The following NALF1 variants were observed in gnomAD, a reference collection of about 807,000 sequenced individuals.
NALF1 encodes the protein NALCN channel auxiliary factor 1.
Under a neutral mutation model 48.4 loss-of-function variants are expected in NALF1, and 3 were observed. That is an observed-to-expected ratio of 0.06 (90% CI 0.03 to 0.16). The LOEUF is 0.16. NALF1 is among the 10% of genes least tolerant of loss of function. The probability of loss-of-function intolerance (pLI) is 1.00; values close to 1 mark genes in which losing one functional copy is unlikely to be tolerated. For missense variants in NALF1, 526 were observed against 571.5 expected (o/e 0.92, Z 0.81); for synonymous variants, 262 against 245.7 (o/e 1.07, Z -0.62).
chr13:107,469,975 C>G (rs1219691815), intron 1 of NALF1, among the ~76,000 whole-genome samples: 18 of 151,736 alleles, frequency 1.2e-4, no homozygotes, highest in Non-Finnish European at 1.5e-5. Flanking sequence ...GATCTCCTGA[C>G]CTCATGATCT....
At chr13:107,438,339 G>T (rs897165841) in intron 1 of NALF1, among the ~76,000 whole-genome samples, 2 of 152,156 alleles carry the variant, frequency 1.3e-5, no homozygotes, top group Non-Finnish European at 2.9e-5. Flanking sequence ...TATCTGATCT[G>T]CTTAAAGTTA....
chr13:107,481,993 T>C (rs1275258607), intron 1 of NALF1, among the ~76,000 whole-genome samples: 3 of 152,168 alleles, frequency 2.0e-5, no homozygotes, highest in Admixed American at 1.3e-4. Flanking sequence ...GTTAAGTTTA[T>C]GTGTCAACTT....
intron 1 of NALF1, among the ~76,000 whole-genome samples, chr13:107,705,989 A>C (rs1195810409): frequency 6.6e-6 from 1 of 152,214 alleles, no homozygotes; most frequent in African/African-American, 2.4e-5. Flanking sequence ...TTAGTGGTGC[A>C]GTGCTTTAAA....
intron 1 of NALF1, among the ~76,000 whole-genome samples, chr13:107,515,684 C>T (rs1272665535): frequency 6.6e-6 from 1 of 152,212 alleles, no homozygotes; most frequent in African/African-American, 2.4e-5. Context: ...TTACTCCATG[C>T]TCTCCTTGTC....
At chr13:107,862,766 A>C (rs2138651465) in intron 1 of NALF1, among the ~76,000 whole-genome samples, 1 of 152,074 alleles carries the variant, frequency 6.6e-6, no homozygotes, top group Non-Finnish European at 1.5e-5. Flanking sequence ...TTGGTCAAAA[A>C]GCCTTTTAAA....
chr13:107,568,398 A>T (rs1566396786), intron 1 of NALF1, among the ~76,000 whole-genome samples: 1 of 152,244 alleles, frequency 6.6e-6, no homozygotes, highest in African/African-American at 2.4e-5. Flanking sequence ...TCACAAATAC[A>T]GCTGCTATGA....
chr13:107,637,241 T>TTG (rs1246972523), intron 1 of NALF1, among the ~76,000 whole-genome samples: 52 of 134,626 alleles, frequency 3.9e-4, no homozygotes, highest in Admixed American at 3.3e-3. Flanking sequence ...ATTGTATTTG[T>TTG]TGTGTGTGTG....
chr13:107,254,033 T>C (rs1436070642), intron 1 of NALF1, among the ~76,000 whole-genome samples: 1 of 140,904 alleles, frequency 7.1e-6, no homozygotes. Context: ...TTCTCTTTTA[T>C]AACAGATGTT....
At chr13:107,751,047 T>A (rs1227950496) in intron 1 of NALF1, among the ~76,000 whole-genome samples, 1 of 152,206 alleles carries the variant, frequency 6.6e-6, no homozygotes, top group African/African-American at 2.4e-5. Context: ...AACTACAAAA[T>A]GGAATGCAAT....
chr13:107,756,952 A>G (rs1877118832), intron 1 of NALF1, among the ~76,000 whole-genome samples: 1 of 152,190 alleles, frequency 6.6e-6, no homozygotes, highest in South Asian at 2.1e-4. Context: ...AAAGGCTACA[A>G]ATTAACATGT....
chr13:107,361,491 A>G (rs1483360094), intron 1 of NALF1, among the ~76,000 whole-genome samples: 1 of 152,166 alleles, frequency 6.6e-6, no homozygotes, highest in Non-Finnish European at 1.5e-5. Flanking sequence ...GAAAAAAAAG[A>G]TGTTAGAAAG....
intron 1 of NALF1, among the ~76,000 whole-genome samples, chr13:107,260,507 G>A (rs938300836): frequency 6.6e-6 from 1 of 152,168 alleles, no homozygotes; most frequent in African/African-American, 2.4e-5. Flanking sequence ...GATTTTCAGA[G>A]CACTCATGAA....
chr13:107,617,583 G>A (rs1401886783), intron 1 of NALF1, among the ~76,000 whole-genome samples: 1 of 152,162 alleles, frequency 6.6e-6, no homozygotes, highest in African/African-American at 2.4e-5. Flanking sequence ...GGACCCATGA[G>A]AAAGAACTCA....
At chr13:107,808,169 T>C (rs1755332197) in intron 1 of NALF1, among the ~76,000 whole-genome samples, 1 of 152,034 alleles carries the variant, frequency 6.6e-6, no homozygotes. Context: ...CAGAAGTATA[T>C]ATATTTTTGT....
At chr13:107,782,107 G>C (rs1043802036) in intron 1 of NALF1, among the ~76,000 whole-genome samples, 2 of 152,094 alleles carry the variant, frequency 1.3e-5, no homozygotes, top group Non-Finnish European at 2.9e-5. Context: ...ATGCCGAGCC[G>C]AAGCTGGACT....
At chr13:107,860,822 TAATG>T (rs1346867879) in intron 1 of NALF1, among the ~76,000 whole-genome samples, 2 of 152,212 alleles carry the variant, frequency 1.3e-5, no homozygotes, top group Non-Finnish European at 2.9e-5. Context: ...AAATATATGT[TAATG>T]AATTATGATT....
intron 1 of NALF1, among the ~76,000 whole-genome samples, chr13:107,660,225 G>C (rs1880690967): frequency 6.6e-6 from 1 of 151,200 alleles, no homozygotes; most frequent in African/African-American, 2.4e-5. Context: ...GGATCACGAG[G>C]TCAAGAGATC....
intron 1 of NALF1, among the ~76,000 whole-genome samples, chr13:107,565,061 T>C (rs1163448481): frequency 1.5e-5 from 1 of 65,982 alleles, no homozygotes; most frequent in African/African-American, 6.1e-5. Flanking sequence ...AGGGGTGATA[T>C]CTGCAAAAAA....
intron 1 of NALF1, among the ~76,000 whole-genome samples, chr13:107,807,080 T>C (rs183990660): frequency 6.6e-5 from 10 of 152,286 alleles, no homozygotes; most frequent in African/African-American, 2.4e-4. Flanking sequence ...AAGTACATAA[T>C]AGTATATTCA....
Sources: allele counts gnomAD v4.1 joint callset (sites outside exome capture counted in the v4.1 genomes callset), GRCh38; gene constraint gnomAD v4.1.1; transcripts MANE v1.5; gene names NCBI Gene and HGNC (gene_info 2026-07-23, HGNC 2026-07-21).